Variants in KATNIP observed in about 807,000 individuals in gnomAD.
KATNIP encodes the protein katanin interacting protein.
A neutral mutation model predicts 174.0 loss-of-function variants in KATNIP; 126 were observed. The ratio of observed to expected loss-of-function variants is 0.72; its 90% CI spans 0.63 to 0.84. The LOEUF is 0.84. Ranked by LOEUF, KATNIP falls within the 40% of genes least tolerant of loss-of-function variation. The pLI is 0.00. For synonymous variants in KATNIP, 810 were observed against 835.7 expected (o/e 0.97, Z 0.53); for missense variants, 1,958 against 2,109.7 (o/e 0.93, Z 1.41).
intron 5 of KATNIP, chr16:27,632,711 A>G (rs2076525453): frequency 2.2e-6 from 1 of 445,370 alleles, no homozygotes; most frequent in Non-Finnish European, 4.6e-6. Flanking sequence ...GTTGGTTGAT[A>G]CCAGTGGTGG....
chr16:27,602,067 A>C (rs1460413172), intron 2 of KATNIP, among the ~76,000 whole-genome samples: 1 of 152,198 alleles, frequency 6.6e-6, no homozygotes, highest in Admixed American at 6.5e-5. Context: ...AGGTCCACTA[A>C]CAGCACCAGC....
At chr16:27,709,965 G>A (rs1256895512) in intron 13 of KATNIP, among the ~76,000 whole-genome samples, 1 of 152,108 alleles carries the variant, frequency 6.6e-6, no homozygotes, top group African/African-American at 2.4e-5. Flanking sequence ...AGTTCATATC[G>A]GGCAGCCTGG....
At chr16:27,761,288 C>A in intron 18 of KATNIP, 125 bp from the exon 19 acceptor site, 2 of 968,168 alleles carry the variant, frequency 2.1e-6, no homozygotes, top group Non-Finnish European at 3.0e-6. Context: ...ACCTGCAAGG[C>A]ACTTTGGGTC....
At chr16:27,691,271 G>A (rs766588424) in intron 8 of KATNIP, among the ~76,000 whole-genome samples, 4 of 152,240 alleles carry the variant, frequency 2.6e-5, no homozygotes, top group Non-Finnish European at 5.9e-5. Flanking sequence ...TTCCTGAATT[G>A]ATACACCTTT....
At chr16:27,774,691 T>C (rs2082429891) in intron 23 of KATNIP, among the ~76,000 whole-genome samples, 1 of 152,196 alleles carries the variant, frequency 6.6e-6, no homozygotes. Flanking sequence ...AACGTCTCTT[T>C]TTCAGCTGGC....
At chr16:27,690,363 T>TAGATAGATAATA (rs397837255) in intron 8 of KATNIP, among the ~76,000 whole-genome samples, 3 of 90,986 alleles carry the variant, frequency 3.3e-5, no homozygotes, top group African/African-American at 4.7e-5. Flanking sequence ...GATAGATAGA[T>TAGATAGATAATA]GATAGATAGA....
intron 11 of KATNIP, among the ~76,000 whole-genome samples, chr16:27,703,333 G>GTC (rs1350082156): frequency 6.6e-6 from 1 of 152,024 alleles, no homozygotes; most frequent in African/African-American, 2.4e-5. Context: ...CTGCACACGT[G>GTC]GGCATGTTTG....
At chr16:27,613,841 C>T (rs1335628884) in intron 2 of KATNIP, among the ~76,000 whole-genome samples, 1 of 152,216 alleles carries the variant, frequency 6.6e-6, no homozygotes, top group African/African-American at 2.4e-5. Context: ...AGGCAGGACT[C>T]AGGCCCAGGG....
Position 27,703,929 on chromosome 16 carries a change from C to G in KATNIP, c.1320C>G (p.Ala440=). 6.2e-7 allele frequency: 1 copy of G among 1,614,174 alleles called. No homozygotes were observed. The highest frequency in any genetic ancestry group is 8.5e-7 in the Non-Finnish European group (1 of 1,180,012). Residue 440 remains alanine, a synonymous_variant, in exon 12 of 28, where the codon GCC becomes GCG. Transcript: ENST00000261588. Reference sequence around the variant, plus strand: ...AGAAGCTTCTGAAAGTCCTCCAGGCCGTCGAAAGTGACTCTGCCCATCTCG... The same window carrying G: ...AGAAGCTTCTGAAAGTCCTCCAGGCGGTCGAAAGTGACTCTGCCCATCTCG... ...QQQKLLKVLQ[A]VESDSAHLGR... is the part of the protein sequence containing the mutation.
intron 13 of KATNIP, among the ~76,000 whole-genome samples, chr16:27,711,898 G>A (rs1237528631): frequency 6.6e-6 from 1 of 152,114 alleles, no homozygotes; most frequent in Non-Finnish European, 1.5e-5. Flanking sequence ...CCTGGGTGCT[G>A]TGGCCTGGCC....
rs563284632 is a variant in KATNIP at position 27,587,935 on chromosome 16, A to G, written c.63+13979A>G. Among the ~76,000 whole-genome samples the G allele has an allele frequency of 2.2e-4, 24 of 109,124 alleles. No individual in the cohort carries two copies. In the South Asian group the frequency reaches 6.3e-3, roughly 28 times the overall value. The allele number at this position is 109,124 out of a possible 152,430, so 71.6% of individuals were successfully genotyped here. On this transcript the variant is annotated intron_variant, in intron 2 of 27. Coordinates refer to ENST00000261588, the MANE Select transcript of KATNIP (RefSeq NM_015202.5). ...TCTTTTCTTTTCTTTTTTTTTTTTG[A>G]GGCAGGGTCTCACTTTGTCACCCAG...
chr16:27,642,701 G>GTA (rs1229709558), intron 5 of KATNIP, among the ~76,000 whole-genome samples: 1 of 151,932 alleles, frequency 6.6e-6, no homozygotes, highest in Non-Finnish European at 1.5e-5. Context: ...CACCAGGGAA[G>GTA]TTCTCTAATC....
chr16:27,775,079 G>A lies in KATNIP; in HGVS notation c.4444G>A (p.Gly1482Ser), dbSNP rs1430647940. 1 of 1,611,018 alleles carries A rather than the reference G, an allele frequency of 6.2e-7. No individual in the cohort carries two copies. Among genetic ancestry groups the A allele is most frequent in the Non-Finnish European group, 8.5e-7 (1 of 1,179,184 alleles). The change falls in exon 24 of 28, where the codon GGC becomes AGC. Residue 1482 changes from glycine (G) to serine (S), a missense_variant. This residue lies in a region of KATNIP where 383 missense variants were observed against 456.0 expected (regional missense o/e 0.84). Coordinates refer to ENST00000261588, the MANE Select transcript of KATNIP (RefSeq NM_015202.5). ...CATGTGGCTGGCTCCCATCCTGCCG[G>A]GCCTGGTGGGTTCCCGGCAGCGGCC... Reference protein sequence around the residue: ...RHMWLAPILPGLVNRVYVIFD... With the variant: ...RHMWLAPILPSLVNRVYVIFD...
rs1273431226 is a variant in KATNIP, at chr16:27,777,932, T to C, written c.4764T>C (p.Ile1588=). 3.7e-6 allele frequency: 6 copies of C among 1,614,124 alleles called. No homozygotes were observed. The highest frequency in any genetic ancestry group is 1.1e-5 in the South Asian group (1 of 91,078). ...AGATGATGAATGAAAACCAAATCAT[T>C]ACCAACGCGAAACGGAAGCAGAGCG... ...DVQMMNENQI[I]TNAKRKQSVV... is the part of the protein sequence containing the mutation. The change falls in exon 27 of 28, where the codon ATT becomes ATC. Residue 1588 remains isoleucine (I), a synonymous_variant. Coordinates refer to ENST00000261588, the MANE Select transcript of KATNIP (RefSeq NM_015202.5). The surrounding 1 kb of genome is among the most constrained non-coding windows in gnomAD (Gnocchi z 4.4).
chr16:27,660,169 C>T (rs990095790), intron 6 of KATNIP, among the ~76,000 whole-genome samples: 50 of 152,212 alleles, frequency 3.3e-4, no homozygotes, highest in Non-Finnish European at 2.2e-4. Context: ...TAACAAGAAG[C>T]GGTGAATTAA....
At position 27,676,501 on chromosome 16, in the gene KATNIP, TG is replaced by T. The variant is rs76358813; in HGVS notation, c.541-1224del. 2.0e-5 allele frequency among the ~76,000 whole-genome samples: 3 copies of T among 152,320 alleles called. No homozygotes were observed. In the East Asian group the frequency reaches 5.8e-4, roughly 29 times the overall value. On this transcript the variant is annotated intron_variant, in intron 6 of 27. Transcript: ENST00000261588. The stretch of plus-strand genomic sequence containing the variant: ...CTAGGGATTAGGATGTGGACATCTT[TG>T]GGGAGCCCTTATTCAGCCTACTGCA...
chr16:27,662,049 C>CAT (rs750894792), intron 6 of KATNIP, among the ~76,000 whole-genome samples: 822 of 8,630 alleles, frequency 0.095, 288 homozygotes, highest in African/African-American at 0.26. Context: ...TATACACATA[C>CAT]ATATATATAT....
intron 14 of KATNIP, among the ~76,000 whole-genome samples, chr16:27,724,939 T>G (rs1306317394): frequency 6.6e-6 from 1 of 152,166 alleles, no homozygotes; most frequent in Non-Finnish European, 1.5e-5. Context: ...TCTCTTTTAT[T>G]GGGCAATGTG....
rs2081428247 is a variant in KATNIP at position 27,749,778 on chromosome 16, C to G, written c.2818C>G (p.Pro940Ala). The change falls in exon 16 of 28, where the codon CCC (proline) becomes GCC (alanine). Residue 940 changes from proline (P) to alanine (A), a missense_variant. Pro to Ala is a conservative substitution (Grantham distance 27). Coordinates refer to ENST00000261588, the MANE Select transcript of KATNIP (RefSeq NM_015202.5). The part of the protein sequence containing the change: ...QKSSRHSDLP[P>A]SKKGEQPGLS... ...GAGCAGCCGGCACAGCGACTTGCCC[C>G]CCTCCAAGAAGGGGGAGCAGCCAGG... 5 of 1,610,070 alleles carry G rather than the reference C, an allele frequency of 3.1e-6. No individual in the cohort carries two copies. Among genetic ancestry groups the G allele is most frequent in the Admixed American group, 1.7e-5 (1 of 59,724 alleles).
Sources: allele counts gnomAD v4.1 joint callset (sites outside exome capture counted in the v4.1 genomes callset), GRCh38; gene constraint gnomAD v4.1.1; regional missense constraint gnomAD v4.1.1; non-coding constraint Gnocchi (gnomAD v3.1); transcripts MANE v1.5; gene names NCBI Gene and HGNC (gene_info 2026-07-23, HGNC 2026-07-21).